CERT1: variants seen among roughly 807,000 people sequenced by gnomAD.
The protein encoded by CERT1 is ceramide transporter 1.
Under a neutral mutation model 87.9 loss-of-function variants are expected in CERT1, and 31 were observed. The observed-to-expected ratio is 0.35, with a 90% CI of 0.27 to 0.48. CERT1 has a LOEUF of 0.48. Ranked by LOEUF, CERT1 falls within the 20% of genes least tolerant of loss-of-function variation. The pLI, the probability that CERT1 is intolerant of heterozygous loss-of-function variation, is 0.99. For synonymous variants in CERT1, 289 were observed against 250.9 expected (o/e 1.15, Z -1.44); for missense variants, 487 against 758.0 (o/e 0.64, Z 4.20).
intron 3 of CERT1, among the ~76,000 whole-genome samples, chr5:75,427,827 A>G (rs1247923361): frequency 1.3e-5 from 2 of 152,210 alleles, no homozygotes; most frequent in Non-Finnish European, 2.9e-5. Context: ...TAATACTTAG[A>G]GATCAACAGT....
At chr5:75,371,648 A>C (rs1264669573) in intron 17 of CERT1, 1 of 152,222 alleles carries the variant, frequency 6.6e-6, no homozygotes, top group Non-Finnish European at 1.5e-5. Context: ...ATTCCAACTG[A>C]AACACTGTAC....
intron 5 of CERT1, among the ~76,000 whole-genome samples, chr5:75,424,692 G>T (rs1763530283): frequency 1.3e-5 from 2 of 152,084 alleles, no homozygotes; most frequent in Admixed American, 1.3e-4. Context: ...AGATCTGAAG[G>T]ATTTAACATA....
rs35109034 is a variant in CERT1, at chr5:75,395,555, C to CAAAA, written c.1188+3751_1188+3754dup. ...GGACAAGTGAAACCTTGTCTCTTTA[C>CAAAA]AAAAAAAAAAAAAAAAAAAAAAAAT... On this transcript the variant is annotated intron_variant, in intron 11 of 16. Coordinates refer to ENST00000643780, the MANE Select transcript of CERT1 (RefSeq NM_001379029.1). Among the ~76,000 whole-genome samples the CAAAA allele has an allele frequency of 5.0e-4, 24 of 47,992 alleles. 2 individuals carry two copies. Among genetic ancestry groups the CAAAA allele is most frequent in the African/African-American group, 1.3e-3 (18 of 13,844 alleles). 31.5% of individuals were successfully genotyped at this position (47,992 alleles called of 152,430 possible).
At chr5:75,418,979 T>A (rs958989762) in intron 6 of CERT1, among the ~76,000 whole-genome samples, 8 of 152,214 alleles carry the variant, frequency 5.3e-5, no homozygotes, top group Non-Finnish European at 1.2e-4. Flanking sequence ...AAAGCTTTTT[T>A]AAAGCTTATA....
At chr5:75,425,044 G>C (rs939893492) in intron 5 of CERT1, among the ~76,000 whole-genome samples, 6 of 152,144 alleles carry the variant, frequency 3.9e-5, no homozygotes, top group African/African-American at 9.7e-5. Context: ...CTTGAGGCCA[G>C]AAGTTTGAGG....
At chr5:75,453,402 GAT>G (rs1764839903) in intron 3 of CERT1, among the ~76,000 whole-genome samples, 1 of 152,138 alleles carries the variant, frequency 6.6e-6, no homozygotes, top group African/African-American at 2.4e-5. Context: ...AAATAATATA[GAT>G]ATGAGGAACA....
At chr5:75,442,785 C>T (rs945656438) in intron 3 of CERT1, among the ~76,000 whole-genome samples, 12 of 151,848 alleles carry the variant, frequency 7.9e-5, no homozygotes, top group East Asian at 1.9e-4. Context: ...GGGGAGAGAA[C>T]GGAAAAGAGA....
chr5:75,500,322 G>A lies in CERT1; in HGVS notation c.231+5660C>T, dbSNP rs150775555. Among the ~76,000 whole-genome samples the A allele has an allele frequency of 6.4e-4, 97 of 152,126 alleles. No homozygotes were observed. The East Asian group carries it at 0.013, about 20-fold the overall frequency. ...GGCAACCCTAGCAAATGAATACATT[G>A]TATAATTATATAATTAAAATTATAT... is the stretch of plus-strand genomic sequence containing the variant. On this transcript the variant is annotated intron_variant, in intron 2 of 16. Coordinates refer to ENST00000643780, the MANE Select transcript of CERT1 (RefSeq NM_001379029.1).
chr5:75,379,550 T>C, intron 16 of CERT1, 77 bp from the exon 17 acceptor site: 1 of 1,357,000 alleles, frequency 7.4e-7, no homozygotes, highest in Non-Finnish European at 1.0e-6. Flanking sequence ...TTTGTTCCCT[T>C]GTTTTTAAAA....
intron 2 of CERT1, among the ~76,000 whole-genome samples, chr5:75,475,324 TAAAG>T (rs555081579): frequency 1.3e-3 from 201 of 152,300 alleles, no homozygotes; most frequent in Non-Finnish European, 1.2e-3. Context: ...GGGATCAAAA[TAAAG>T]AGAGTGAAAA....
intron 11 of CERT1, among the ~76,000 whole-genome samples, chr5:75,397,970 G>A (rs1414045889): frequency 2.0e-5 from 3 of 152,148 alleles, no homozygotes; most frequent in Admixed American, 1.3e-4. Context: ...AGTGAGCCCA[G>A]ATCGTGCCAC....
chr5:75,374,198 G>GAAA (rs749454395), downstream of CERT1: 41 of 304,394 alleles, frequency 1.3e-4, no homozygotes, highest in South Asian at 1.2e-3. Flanking sequence ...GTCACTGAAG[G>GAAA]AAAAAAAAAA....
rs1767962874 is a variant in CERT1, at chr5:75,511,127, G to A, written c.81C>T (p.Cys27=). The change falls in exon 1 of 17, where the codon TGC becomes TGT. Residue 27 remains cysteine, a synonymous_variant. Coordinates refer to ENST00000643780, the MANE Select transcript of CERT1 (RefSeq NM_001379029.1). ...ETESGPPVER[C]GVLSKWTNYI... ...GGTTGCTCACCTTACTGAGGACCCC[G>A]CAGCGCTCCACAGGCGGCCCAGACT... 1 of 1,595,260 alleles carries A rather than the reference G, an allele frequency of 6.3e-7. No individual in the cohort carries two copies. Among genetic ancestry groups the A allele is most frequent in the Non-Finnish European group, 8.5e-7 (1 of 1,170,722 alleles).
At position 75,396,029 on chromosome 5, in the gene CERT1, A is replaced by AT. The variant is rs753347595; in HGVS notation, c.1188+3280dup. On this transcript the variant is annotated intron_variant, in intron 11 of 16. Transcript: ENST00000643780. ...GGTACTAATTTCCTAGTAGATGTACATATTTTATTTTAAGCTGTTTTCAGG... is the reference window on the plus strand; with the variant it reads ...GGTACTAATTTCCTAGTAGATGTACATTATTTTATTTTAAGCTGTTTTCAGG... 3.3e-5 allele frequency among the ~76,000 whole-genome samples: 5 copies of AT among 152,334 alleles called. No individual in the cohort carries two copies. The South Asian group carries it at 8.3e-4, about 25-fold the overall frequency.
upstream of CERT1, chr5:75,511,925 C>T (rs1009531681): frequency 2.6e-6 from 3 of 1,154,284 alleles, no homozygotes; most frequent in Admixed American, 7.7e-5. Context: ...GTGAGTATCC[C>T]GCGCGGGGAT....
intron 2 of CERT1, among the ~76,000 whole-genome samples, chr5:75,493,047 C>T (rs183439866): frequency 2.0e-5 from 3 of 152,280 alleles, no homozygotes; most frequent in Admixed American, 2.0e-4. Flanking sequence ...AGTACAATAA[C>T]CTCTATCGCA....
At chr5:75,472,638 T>C (rs555458275) in intron 2 of CERT1, among the ~76,000 whole-genome samples, 49 of 152,226 alleles carry the variant, frequency 3.2e-4, no homozygotes, top group Non-Finnish European at 6.5e-4. Flanking sequence ...AGAAAACATA[T>C]AAATTGTCAA....
chr5:75,446,387 G>C (rs1764537645), intron 3 of CERT1, among the ~76,000 whole-genome samples: 1 of 151,864 alleles, frequency 6.6e-6, no homozygotes, highest in Non-Finnish European at 1.5e-5. Context: ...TTTCTATTTT[G>C]TTCATTTATC....
At chr5:75,429,175 G>GAATAATAATAAT (rs35760935) in intron 3 of CERT1, among the ~76,000 whole-genome samples, 2 of 143,844 alleles carry the variant, frequency 1.4e-5, no homozygotes, top group African/African-American at 5.2e-5. Context: ...AATAGAAACT[G>GAATAATAATAAT]AATAATAATA....
Sources: allele counts gnomAD v4.1 joint callset (sites outside exome capture counted in the v4.1 genomes callset), GRCh38; gene constraint gnomAD v4.1.1; transcripts MANE v1.5; gene names NCBI Gene and HGNC (gene_info 2026-07-23, HGNC 2026-07-21).